Variants in BTAF1 observed in about 807,000 individuals in gnomAD.
BTAF1 encodes B-TFIID TATA-box binding protein associated factor 1, also known as TATA-binding protein-associated factor 172.
A neutral mutation model predicts 227.1 loss-of-function variants in BTAF1; 38 were observed. The observed-to-expected ratio is 0.17, with a 90% CI of 0.13 to 0.22. BTAF1 has a LOEUF of 0.22. Ranked by LOEUF, BTAF1 falls within the 10% of genes least tolerant of loss-of-function variation. The pLI, the probability that BTAF1 is intolerant of heterozygous loss-of-function variation, is 1.00. For synonymous variants in BTAF1, 742 were observed against 751.9 expected (o/e 0.99, Z 0.21); for missense variants, 1,598 against 2,204.0 (o/e 0.73, Z 5.51).
intron 25 of BTAF1, among the ~76,000 whole-genome samples, chr10:91,999,062 C>CAAA (rs34831539): frequency 8.7e-6 from 1 of 115,354 alleles, no homozygotes. Context: ...GACTTCCTTT[C>CAAA]AAAAAAAAAA....
At chr10:92,023,198 T>C (rs1465484808) in intron 34 of BTAF1, among the ~76,000 whole-genome samples, 1 of 152,208 alleles carries the variant, frequency 6.6e-6, no homozygotes, top group Non-Finnish European at 1.5e-5. Flanking sequence ...GGAAGACTCC[T>C]AAAATCCAGG....
intron 4 of BTAF1, among the ~76,000 whole-genome samples, chr10:91,946,375 G>A (rs1318407836): frequency 6.6e-6 from 1 of 152,096 alleles, no homozygotes; most frequent in Non-Finnish European, 1.5e-5. Context: ...AAGAAAGAAA[G>A]AAAAATACTG....
chr10:91,997,520 A>G, intron 24 of BTAF1, 83 bp from the exon 25 acceptor site: 1 of 1,265,390 alleles, frequency 7.9e-7, no homozygotes, highest in Non-Finnish European at 1.1e-6. Flanking sequence ...GAGCCTTTTA[A>G]AAAGTTAAAA....
chr10:91,925,529 T>TTTTTTTTTTTTTAG (rs1843767327), intron 1 of BTAF1, among the ~76,000 whole-genome samples: 1 of 149,362 alleles, frequency 6.7e-6, no homozygotes. Flanking sequence ...TTTTTTTTTT[T>TTTTTTTTTTTTTAG]GAGAAGGAAT....
At chr10:91,968,041 T>C (rs763611555) in intron 14 of BTAF1, among the ~76,000 whole-genome samples, 20 of 152,228 alleles carry the variant, frequency 1.3e-4, no homozygotes, top group Non-Finnish European at 2.4e-4. Flanking sequence ...GAGCCAATAT[T>C]GATACATTAA....
At chr10:91,924,426 T>C (rs1843689795) in intron 1 of BTAF1, among the ~76,000 whole-genome samples, 1 of 152,180 alleles carries the variant, frequency 6.6e-6, no homozygotes, top group African/African-American at 2.4e-5. Context: ...CTAAGGCTGG[T>C]CCCTAACCTC....
chr10:92,027,032 A>T, intron 36 of BTAF1, 98 bp from the exon 37 acceptor site: 1 of 1,244,030 alleles, frequency 8.0e-7, no homozygotes, highest in Non-Finnish European at 1.1e-6. Context: ...AACCCTAATT[A>T]GGTAGTATAA....
intron 28 of BTAF1, 95 bp from the exon 29 acceptor site, chr10:92,010,978 C>T: frequency 1.2e-6 from 1 of 867,290 alleles, no homozygotes; most frequent in South Asian, 1.5e-5. Context: ...GAATGCTGGG[C>T]TTAGTGGGCA....
chr10:91,980,959 G>C (rs555294416), intron 15 of BTAF1, among the ~76,000 whole-genome samples: 1 of 152,172 alleles, frequency 6.6e-6, no homozygotes, highest in East Asian at 1.9e-4. Flanking sequence ...TCCCTACTTA[G>C]AGTGATCATA....
Position 92,029,029 on chromosome 10 carries a change from G to C in BTAF1, c.*96G>C. 1 of 1,131,592 alleles carries C rather than the reference G, an allele frequency of 8.8e-7. No individual in the cohort carries two copies. Among genetic ancestry groups the C allele is most frequent in the Non-Finnish European group, 1.2e-6 (1 of 806,174 alleles). The allele number at this position is 1,131,592 out of a possible 1,614,324, so 70.1% of individuals were successfully genotyped here. A position where few individuals can be genotyped will look rare whatever the true frequency, so the allele number is the denominator to read the frequency against. On this transcript the variant is annotated 3_prime_UTR_variant, in exon 38 of 38. Coordinates refer to ENST00000265990, the MANE Select transcript of BTAF1 (RefSeq NM_003972.3). ...GTTTATGGTGAACTTTTAACTCAAT[G>C]TGTAAATAGATCTGGAGAATATTCA...
intron 14 of BTAF1, among the ~76,000 whole-genome samples, chr10:91,971,954 TA>T (rs1436671387): frequency 1.3e-5 from 2 of 152,190 alleles, no homozygotes. Context: ...GTTTTTGTCA[TA>T]AAAAATTTAA....
chr10:92,003,962 C>T (rs1487395915), intron 25 of BTAF1, among the ~76,000 whole-genome samples: 1 of 152,026 alleles, frequency 6.6e-6, no homozygotes, highest in Non-Finnish European at 1.5e-5. Context: ...ATATCTCATA[C>T]CAGTTTTAAT....
intron 37 of BTAF1, among the ~76,000 whole-genome samples, chr10:92,028,133 A>C (rs184285248): frequency 7.9e-5 from 12 of 152,282 alleles, no homozygotes; most frequent in Admixed American, 2.0e-4. Context: ...AGAATGAGAC[A>C]TGTTTAACAT....
intron 20 of BTAF1, among the ~76,000 whole-genome samples, chr10:91,991,795 GTGTA>G (rs1353138892): frequency 8.9e-4 from 5 of 5,636 alleles, no homozygotes; most frequent in African/African-American, 1.2e-3. Flanking sequence ...GTGTGTGTGT[GTGTA>G]TATATATATA....
chr10:92,026,845 T>G, intron 36 of BTAF1, 94 bp downstream of exon 36: 1 of 1,332,764 alleles, frequency 7.5e-7, no homozygotes, highest in Non-Finnish European at 1.0e-6. Flanking sequence ...CTTGCTCTGG[T>G]GTTAACATAC....
chr10:92,017,746 A>C (rs1269004953), intron 33 of BTAF1, among the ~76,000 whole-genome samples: 5 of 152,068 alleles, frequency 3.3e-5, no homozygotes, highest in African/African-American at 1.2e-4. Context: ...TTTGGCCTCA[A>C]GTGATCCTCC....
chr10:92,006,674 A>G (rs756458189), intron 25 of BTAF1, among the ~76,000 whole-genome samples: 4 of 152,206 alleles, frequency 2.6e-5, no homozygotes, highest in South Asian at 2.1e-4. Flanking sequence ...GAAAATATGA[A>G]TTTTATCAGT....
intron 28 of BTAF1, among the ~76,000 whole-genome samples, chr10:92,010,091 T>C (rs2134110804): frequency 6.6e-6 from 1 of 151,970 alleles, no homozygotes; most frequent in Admixed American, 6.5e-5. Context: ...GGAGCAGGAC[T>C]GAAAAAAAAA....
At chr10:91,977,127 C>T (rs1436049856) in intron 14 of BTAF1, among the ~76,000 whole-genome samples, 1 of 152,044 alleles carries the variant, frequency 6.6e-6, no homozygotes, top group African/African-American at 2.4e-5. Flanking sequence ...AAATAAGTGA[C>T]AGGAAGTTGG....
Sources: gnomAD v4.1 joint callset for allele counts (sites outside exome capture counted in the v4.1 genomes callset) on GRCh38, gnomAD v4.1.1 for gene constraint, MANE v1.5 for transcripts, NCBI Gene and HGNC (gene_info 2026-07-23, HGNC 2026-07-21) for gene names.